Variants in ITGA9 observed in about 807,000 individuals in gnomAD.
ITGA9 encodes integrin alpha-9.
ITGA9 carries 56 observed loss-of-function variants against 127.8 expected under a neutral mutation model. The ratio of observed to expected loss-of-function variants is 0.44; its 90% CI spans 0.35 to 0.55. ITGA9 has a LOEUF of 0.55. Among genes scored for constraint, ITGA9 ranks in the 20% least tolerant of loss-of-function variants. The pLI, the probability that ITGA9 is intolerant of heterozygous loss-of-function variation, is 0.00. For missense variants in ITGA9, 1,196 were observed against 1,347.1 expected, an observed-to-expected ratio of 0.89 and a Z score of 1.76; for synonymous variants, 508 against 514.5, an observed-to-expected ratio of 0.99 and a Z score of 0.17.
intron 4 of ITGA9, among the ~76,000 whole-genome samples, chr3:37,482,003 G>A (rs958733248): frequency 5.3e-5 from 8 of 152,144 alleles, no homozygotes; most frequent in African/African-American, 1.7e-4. Context: ...TTCCTTGTCC[G>A]AATATTCAGT....
At chr3:37,496,872 A>T (rs970204958) in intron 5 of ITGA9, among the ~76,000 whole-genome samples, 1 of 152,164 alleles carries the variant, frequency 6.6e-6, no homozygotes, top group Non-Finnish European at 1.5e-5. Flanking sequence ...AAGAGACACT[A>T]ATGGAGGAAC....
intron 9 of ITGA9, among the ~76,000 whole-genome samples, chr3:37,515,581 C>G (rs1698976078): frequency 6.6e-6 from 1 of 152,110 alleles, no homozygotes; most frequent in African/African-American, 2.4e-5. Context: ...CTACTAAAAA[C>G]ACACAAAAAA....
chr3:37,736,450 T>C (rs1696363661), intron 19 of ITGA9, among the ~76,000 whole-genome samples: 2 of 152,264 alleles, frequency 1.3e-5, no homozygotes, highest in South Asian at 4.1e-4. Flanking sequence ...TGTTCATTTT[T>C]ACAACTACCT....
At chr3:37,534,329 G>GT (rs1699187783) in intron 14 of ITGA9, among the ~76,000 whole-genome samples, 1 of 152,228 alleles carries the variant, frequency 6.6e-6, no homozygotes, top group African/African-American at 2.4e-5. Flanking sequence ...TACTCACAGT[G>GT]TAGCCCCTGG....
rs1698512472 is a variant in ITGA9 at position 37,478,065 on chromosome 3, A to G, written c.421-3419A>G. ...ATGTATACCTCAATAAATTTTCATTAGGTGAACGTCCTCAGAATAACATTT... is the reference window on the plus strand; with the variant it reads ...ATGTATACCTCAATAAATTTTCATTGGGTGAACGTCCTCAGAATAACATTT... On this transcript the variant is annotated intron_variant, in intron 3 of 27. Coordinates refer to ENST00000264741, the MANE Select transcript of ITGA9 (RefSeq NM_002207.3). Among the ~76,000 whole-genome samples the G allele has an allele frequency of 2.0e-5, 3 of 152,190 alleles. No individual in the cohort carries two copies. The South Asian group carries it at 6.2e-4, about 32-fold the overall frequency.
chr3:37,525,041 A>G (rs1285375954), intron 12 of ITGA9, among the ~76,000 whole-genome samples: 1 of 152,256 alleles, frequency 6.6e-6, no homozygotes, highest in African/African-American at 2.4e-5. Flanking sequence ...ATAGATGCTC[A>G]GTGCATTTAG....
intron 15 of ITGA9, among the ~76,000 whole-genome samples, chr3:37,616,742 C>G (rs1700078702): frequency 2.0e-5 from 3 of 152,162 alleles, no homozygotes; most frequent in Non-Finnish European, 4.4e-5. Flanking sequence ...CTCTTCTGAT[C>G]TTTGTTGGTT....
intron 14 of ITGA9, among the ~76,000 whole-genome samples, chr3:37,533,697 A>G (rs926651706): frequency 6.6e-6 from 1 of 152,174 alleles, no homozygotes; most frequent in African/African-American, 2.4e-5. Context: ...TTGGACCCCA[A>G]GCATTCTTTT....
Position 37,629,424 on chromosome 3 carries a change from C to T in ITGA9, c.1839+88C>T, listed in dbSNP as rs915626. On this transcript the variant is annotated intron_variant, in intron 16 of 27. Transcript: ENST00000264741. The surrounding 1 kb of genome is among the most constrained non-coding windows in gnomAD (Gnocchi z 4.5). The stretch of plus-strand genomic sequence containing the variant: ...GCCCAAAAGTTGAGAGAGCCGTGGG[C>T]CTGGCTGCTCAGGAGACCGCAGCCA... 2.0e-6 allele frequency: 3 copies of T among 1,486,264 alleles called. No individual in the cohort carries two copies. Among genetic ancestry groups the T allele is most frequent in the East Asian group, 2.4e-5 (1 of 42,230 alleles). 92.1% of individuals were successfully genotyped at this position (1,486,264 alleles called of 1,614,324 possible).
In ITGA9 at chr3:37,819,123, C is replaced by G; in HGVS notation, c.*134C>G. 1.3e-6 allele frequency: 1 copy of G among 761,150 alleles called. No homozygotes were observed. Among genetic ancestry groups the G allele is most frequent in the Non-Finnish European group, 2.3e-6 (1 of 432,948 alleles). 47.1% of individuals were successfully genotyped at this position (761,150 alleles called of 1,614,324 possible). On this transcript the variant is annotated 3_prime_UTR_variant, in exon 28 of 28. Transcript: ENST00000264741. ...GATGCTGTTCTCTTCTTCATTCTAT[C>G]AAGCCCAGGTGCCAGCCTGAGGCAG... is the stretch of plus-strand genomic sequence containing the variant.
chr3:37,542,657 AT>A, intron 15 of ITGA9, 72 bp downstream of exon 15: 1 of 1,491,768 alleles, frequency 6.7e-7, no homozygotes, highest in Non-Finnish European at 9.3e-7. Flanking sequence ...GGTGGAAACT[AT>A]TTTTATTATG....
chr3:37,506,544 A>G (rs1177745400), intron 7 of ITGA9, among the ~76,000 whole-genome samples: 3 of 152,170 alleles, frequency 2.0e-5, no homozygotes, highest in Non-Finnish European at 4.4e-5. Flanking sequence ...GAGAAGGAAC[A>G]TTGGGTTCCC....
chr3:37,780,784 C>T (rs1696967619), intron 25 of ITGA9, among the ~76,000 whole-genome samples: 1 of 152,176 alleles, frequency 6.6e-6, no homozygotes, highest in Non-Finnish European at 1.5e-5. Flanking sequence ...TTTATCTTCC[C>T]ATCAACAGTG....
chr3:37,719,631 A>G (rs1575207386), intron 18 of ITGA9, among the ~76,000 whole-genome samples: 2 of 152,204 alleles, frequency 1.3e-5, no homozygotes, highest in African/African-American at 4.8e-5. Context: ...TTCTCTGGCT[A>G]CAGGAGTGTG....
chr3:37,612,258 A>G (rs1371140576), intron 15 of ITGA9, among the ~76,000 whole-genome samples: 4 of 152,202 alleles, frequency 2.6e-5, no homozygotes, highest in African/African-American at 9.6e-5. Flanking sequence ...CTTTCTCAGA[A>G]TATGCTTTTA....
chr3:37,819,577 C>T lies in ITGA9; in HGVS notation c.*588C>T, dbSNP rs1459984997. ...ATAAACTGTGGGTGTGGCAAGACCC[C>T]GAAGACATTTCACATCTTTATCGCC... On this transcript the variant is annotated 3_prime_UTR_variant, in exon 28 of 28. Transcript: ENST00000264741. 1.3e-5 allele frequency: 2 copies of T among 153,884 alleles called. No individual in the cohort carries two copies. Among genetic ancestry groups the T allele is most frequent in the African/African-American group, 4.8e-5 (2 of 41,438 alleles). 9.5% of individuals were successfully genotyped at this position (153,884 alleles called of 1,614,324 possible).
intron 10 of ITGA9, 75 bp downstream of exon 10, chr3:37,517,684 C>A: frequency 1.9e-6 from 2 of 1,049,530 alleles, no homozygotes; most frequent in South Asian, 1.4e-5. Context: ...GCAGCCTGCT[C>A]GCTGACTGTC....
intron 16 of ITGA9, among the ~76,000 whole-genome samples, chr3:37,638,173 G>A (rs759846880): frequency 1.3e-5 from 2 of 152,076 alleles, no homozygotes; most frequent in Non-Finnish European, 2.9e-5. Context: ...AAATCAACGA[G>A]TAGTAGTATC....
At chr3:37,609,083 C>T (rs1414220639) in intron 15 of ITGA9, among the ~76,000 whole-genome samples, 2 of 152,182 alleles carry the variant, frequency 1.3e-5, no homozygotes, top group Non-Finnish European at 2.9e-5. Context: ...TCATGAGAAT[C>T]ACACCATTGT....
Sources: gnomAD v4.1 joint callset for allele counts (sites outside exome capture counted in the v4.1 genomes callset) on GRCh38, gnomAD v4.1.1 for gene constraint, Gnocchi (gnomAD v3.1) non-coding constraint, MANE v1.5 for transcripts, NCBI Gene and HGNC (gene_info 2026-07-23, HGNC 2026-07-21) for gene names.